The following ITGA4 variants were observed in gnomAD, a reference collection of about 807,000 sequenced individuals.
ITGA4 encodes integrin subunit alpha 4, also known as integrin alpha-4.
A neutral mutation model predicts 133.6 loss-of-function variants in ITGA4; 63 were observed. The observed-to-expected ratio is 0.47, with a 90% CI of 0.38 to 0.58. The LOEUF (loss-of-function observed/expected upper bound fraction) is 0.58. Among genes scored for constraint, ITGA4 ranks in the 20% least tolerant of loss-of-function variants. The pLI is 0.00. For synonymous variants in ITGA4, 483 were observed against 438.0 expected, an observed-to-expected ratio of 1.10 and a Z score of -1.28; for missense variants, 1,076 against 1,252.7, an observed-to-expected ratio of 0.86 and a Z score of 2.13.
intron 4 of ITGA4, chr2:181,475,811 A>G (rs1270047207): frequency 2.5e-6 from 4 of 1,598,350 alleles, no homozygotes; most frequent in Middle Eastern, 1.7e-4. Flanking sequence ...TGGTAACTCT[A>G]TGCTATAGGT....
At chr2:181,458,128 G>T in intron 1 of ITGA4, 68 bp from the exon 2 acceptor site, 2 of 1,605,556 alleles carry the variant, frequency 1.2e-6, no homozygotes, top group Non-Finnish European at 1.7e-6. Context: ...CTGCACATCT[G>T]TGGCGACAGG....
chr2:181,494,763 T>C lies in ITGA4; in HGVS notation c.1290T>C (p.Phe430=). 6.2e-7 allele frequency: 1 copy of C among 1,605,062 alleles called. No homozygotes were observed. Among genetic ancestry groups the C allele is most frequent in the Non-Finnish European group, 8.5e-7 (1 of 1,171,874 alleles). The change falls in exon 12 of 28, where the codon TTT becomes TTC. Residue 430 remains phenylalanine, a synonymous_variant. Coordinates refer to ENST00000397033, the MANE Select transcript of ITGA4 (RefSeq NM_000885.6). ...GLQISKSLSM[F]GQSISGQIDA... ...AGATCAGCAAATCGTTAAGTATGTTTGGACAGTCTATATCAGGACAAATTG... is the reference window on the plus strand; with the variant it reads ...AGATCAGCAAATCGTTAAGTATGTTCGGACAGTCTATATCAGGACAAATTG...
In ITGA4 at chr2:181,534,305, G is replaced by A. The variant is rs780577119; in HGVS notation, c.2818G>A (p.Ala940Thr). Reference protein sequence around the residue: ...ETSALKFEIRATGFPEPNPRV... With the variant: ...ETSALKFEIRTTGFPEPNPRV... ...TTCAGCACTCAAGTTTGAAATAAGA[G>A]CAACAGGTTTTCCAGAGCCAAATCC... Residue 940 changes from alanine (A) to threonine (T), a missense_variant, in exon 26 of 28, where the codon GCA (alanine) becomes ACA (threonine). Physicochemically the swap from Ala to Thr is moderately conservative, Grantham distance 58 (BLOSUM62 0). Coordinates refer to ENST00000397033, the MANE Select transcript of ITGA4 (RefSeq NM_000885.6). The A allele has an allele frequency of 7.4e-6, 12 of 1,611,092 alleles. No individual in the cohort carries two copies. The highest frequency in any genetic ancestry group is 1.3e-5 in the African/African-American group (1 of 74,944).
Position 181,457,647 on chromosome 2 carries a change from G to T in ITGA4, c.-8G>T. On this transcript the variant is annotated 5_prime_UTR_variant, in exon 1 of 28. It introduces an in-frame stop codon into an upstream open reading frame of the 5' UTR. Coordinates refer to ENST00000397033, the MANE Select transcript of ITGA4 (RefSeq NM_000885.6). Reference sequence around the variant, plus strand: ...CGTTTAGTGTTGAATGTTCCCCACCGAGAGCGCATGGCTTGGGAAGCGAGG... The same window carrying T: ...CGTTTAGTGTTGAATGTTCCCCACCTAGAGCGCATGGCTTGGGAAGCGAGG... 6.2e-7 allele frequency: 1 copy of T among 1,607,988 alleles called. No individual in the cohort carries two copies.
At position 181,493,418 on chromosome 2, in the gene ITGA4, A is replaced by T; in HGVS notation, c.1247A>T (p.Gln416Leu). Residue 416 changes from glutamine (Q) to leucine (L), a missense_variant and splice_region_variant, in exon 11 of 28, where the codon CAG (glutamine) becomes CTG (leucine). Transcript: ENST00000397033. ...RADGISSTFS[Q>L]RIEGLQISKS... ...GATGGGATCTCGTCAACCTTCTCAC[A>T]GGTAAGGTACTATTCTATTTCCAAA... 6.3e-7 allele frequency: 1 copy of T among 1,583,290 alleles called. No homozygotes were observed. The highest frequency in any genetic ancestry group is 8.7e-7 in the Non-Finnish European group (1 of 1,152,798).
At chr2:181,526,933 G>A (rs1225093920) in intron 21 of ITGA4, among the ~76,000 whole-genome samples, 1 of 146,720 alleles carries the variant, frequency 6.8e-6, no homozygotes, top group Non-Finnish European at 1.5e-5. Context: ...TCGGGTTCAA[G>A]CGATTCTCCT....
At chr2:181,462,276 A>G (rs554842331) in intron 2 of ITGA4, among the ~76,000 whole-genome samples, 149 of 152,158 alleles carry the variant, frequency 9.8e-4, no homozygotes, top group Non-Finnish European at 9.7e-4. Flanking sequence ...CTCTTACAGG[A>G]AAGACCCATC....
intron 2 of ITGA4, among the ~76,000 whole-genome samples, chr2:181,468,625 A>AG (rs1685478438): frequency 1.3e-5 from 2 of 152,158 alleles, no homozygotes; most frequent in Non-Finnish European, 2.9e-5. Context: ...TGAAAGGGGG[A>AG]GGAGTAAAGA....
In ITGA4 at chr2:181,536,990, TCACAGGCCTG is replaced by T. The variant is rs1465518782; in HGVS notation, c.*1466_*1475del. On this transcript the variant is annotated 3_prime_UTR_variant, in exon 28 of 28. Coordinates refer to ENST00000397033, the MANE Select transcript of ITGA4 (RefSeq NM_000885.6). ...ATCCTAATTGATGAAAGTTATCTGT[TCACAGGCCTG>T]CAGTGATGGTGAGGAATGTTCTGAG... is the stretch of plus-strand genomic sequence containing the variant. 2.2e-6 allele frequency: 1 copy of T among 451,812 alleles called. No homozygotes were observed. The highest frequency in any genetic ancestry group is 2.0e-5 in the African/African-American group (1 of 50,022). The allele number at this position is 451,812 out of a possible 1,614,324, so 28.0% of individuals were successfully genotyped here.
At chr2:181,471,232 AC>A (rs906160414) in intron 2 of ITGA4, among the ~76,000 whole-genome samples, 3 of 152,136 alleles carry the variant, frequency 2.0e-5, no homozygotes, top group African/African-American at 7.2e-5. Context: ...GTTTAGTCAA[AC>A]CATAATAGAA....
chr2:181,537,916 T>TCAG lies in ITGA4; in HGVS notation c.*2398_*2400dup. The TCAG allele has an allele frequency of 3.4e-6, 2 of 580,336 alleles. No homozygotes were observed. 35.9% of individuals were successfully genotyped at this position (580,336 alleles called of 1,614,324 possible). Reference sequence around the variant, plus strand: ...TTACTGAGTTCCTCCCCCTGTCAGATCAGCAGCAGCATTAGATTCTCATAG... The same window carrying TCAG: ...TTACTGAGTTCCTCCCCCTGTCAGATCAGCAGCAGCAGCATTAGATTCTCATAG... On this transcript the variant is annotated 3_prime_UTR_variant, in exon 28 of 28. Coordinates refer to ENST00000397033, the MANE Select transcript of ITGA4 (RefSeq NM_000885.6).
chr2:181,457,352 C>A (rs1431545902), upstream of ITGA4: 2 of 335,680 alleles, frequency 6.0e-6, no homozygotes, highest in Non-Finnish European at 5.5e-6. Context: ...CTCCGCACCA[C>A]GCCCGGGACC....
chr2:181,534,967 A>T, intron 27 of ITGA4, 32 bp downstream of exon 27: 1 of 1,527,518 alleles, frequency 6.5e-7, no homozygotes, highest in South Asian at 1.3e-5. Flanking sequence ...ACATTAGTCT[A>T]CTAAAAATGA....
intron 15 of ITGA4, among the ~76,000 whole-genome samples, chr2:181,506,050 T>G (rs549890565): frequency 9.1e-4 from 138 of 152,226 alleles, no homozygotes; most frequent in African/African-American, 3.0e-3. Flanking sequence ...ACCAAGTAAT[T>G]TAATATAAGA....
chr2:181,527,525 TGGTACTCCTGCCTCTCAG>T, intron 22 of ITGA4, 138 bp downstream of exon 22: 1 of 600,102 alleles, frequency 1.7e-6, no homozygotes, highest in Non-Finnish European at 3.1e-6. Context: ...GCAGCAGCAG[TGGTACTCCTGCCTCTCAG>T]ACCCCTGCTG....
At chr2:181,519,962 A>T (rs1430651934) in intron 17 of ITGA4, among the ~76,000 whole-genome samples, 1 of 152,106 alleles carries the variant, frequency 6.6e-6, no homozygotes, top group Non-Finnish European at 1.5e-5. Flanking sequence ...TTACCTGCTT[A>T]TATTTTTTGA....
chr2:181,525,338 G>C (rs187269963), intron 21 of ITGA4, 47 bp downstream of exon 21: 285 of 998,386 alleles, frequency 2.9e-4, no homozygotes, highest in Admixed American at 8.7e-4. Context: ...CTGATTTACA[G>C]TTTCCTTGCT....
intron 10 of ITGA4, chr2:181,493,028 C>A (rs1388467663): frequency 4.1e-6 from 1 of 245,284 alleles, no homozygotes; most frequent in Admixed American, 5.4e-5. Flanking sequence ...GTGGCAGTGC[C>A]CAGTGGCAGA....
Position 181,470,318 on chromosome 2 carries a change from A to G in ITGA4, c.320-4642A>G, listed in dbSNP as rs367656082. On this transcript the variant is annotated intron_variant, in intron 2 of 27. Coordinates refer to ENST00000397033, the MANE Select transcript of ITGA4 (RefSeq NM_000885.6). ...TTTTTTTTTTAGCTGATCAGTTATCATTAGTGTCAGTGTACTTTACGTATG... is the reference window on the plus strand; with the variant it reads ...TTTTTTTTTTAGCTGATCAGTTATCGTTAGTGTCAGTGTACTTTACGTATG... 7.9e-5 allele frequency among the ~76,000 whole-genome samples: 12 copies of G among 152,234 alleles called. 1 individual carries two copies. The highest frequency in any genetic ancestry group is 2.6e-4 in the Admixed American group (4 of 15,294).
Sources: allele counts gnomAD v4.1 joint callset (sites outside exome capture counted in the v4.1 genomes callset), GRCh38; gene constraint gnomAD v4.1.1; transcripts MANE v1.5; gene names NCBI Gene and HGNC (gene_info 2026-07-23, HGNC 2026-07-21).